Variants in REV1 observed in about 807,000 individuals in gnomAD.
REV1 encodes the protein REV1 DNA directed polymerase.
Under a neutral mutation model 137.4 loss-of-function variants are expected in REV1, and 42 were observed. That is an observed-to-expected ratio of 0.31 (90% CI 0.24 to 0.40). REV1 has a LOEUF of 0.40. Ranked by LOEUF, REV1 falls within the 10% of genes least tolerant of loss-of-function variation. The probability of loss-of-function intolerance (pLI) is 1.00; values close to 1 mark genes in which losing one functional copy is unlikely to be tolerated. For missense variants in REV1, 1,282 were observed against 1,490.1 expected, an observed-to-expected ratio of 0.86 and a Z score of 2.30; for synonymous variants, 524 against 519.2, an observed-to-expected ratio of 1.01 and a Z score of -0.12.
At chr2:99,446,259 A>C (rs899937298) in intron 4 of REV1, among the ~76,000 whole-genome samples, 7 of 152,210 alleles carry the variant, frequency 4.6e-5, no homozygotes, top group Non-Finnish European at 7.3e-5. Context: ...AGTGAGCCCC[A>C]CTGGCCCTGT....
intron 6 of REV1, among the ~76,000 whole-genome samples, chr2:99,437,125 G>T (rs1320926133): frequency 6.6e-6 from 1 of 151,402 alleles, no homozygotes; most frequent in Non-Finnish European, 1.5e-5. Flanking sequence ...GACCGCAGGT[G>T]CGTGCCACCA....
At chr2:99,441,301 TTA>T (rs915417489) in intron 5 of REV1, among the ~76,000 whole-genome samples, 2 of 152,246 alleles carry the variant, frequency 1.3e-5, no homozygotes, top group African/African-American at 2.4e-5. Context: ...CTCAGATTAA[TTA>T]GACTCCTGGT....
Position 99,401,248 on chromosome 2 carries a change from A to T in REV1, c.3749T>A (p.Val1250Asp). 6.2e-7 allele frequency: 1 copy of T among 1,600,918 alleles called. No individual in the cohort carries two copies. The highest frequency in any genetic ancestry group is 8.6e-7 in the Non-Finnish European group (1 of 1,168,146). The change falls in exon 23 of 23, where the codon GTT (valine) becomes GAT (aspartate). Residue 1250 changes from valine (V) to aspartate (D), a missense_variant. Around this residue, in one of 7 missense-constraint regions of REV1, gnomAD observed 43 missense variants for 79.1 expected, o/e 0.54. Transcript: ENST00000258428. ...CAGGCTCTCTGGTAATATTTATGTA[A>T]CTTTTAATGTGCTTCCATAAGTTTG... is the stretch of plus-strand genomic sequence containing the variant. ...LQQTYGSTLK[V>D]T
intron 1 of REV1, among the ~76,000 whole-genome samples, chr2:99,483,017 CAAA>C (rs540388372): frequency 9.5e-6 from 1 of 104,778 alleles, no homozygotes; most frequent in Non-Finnish European, 1.9e-5. Flanking sequence ...AACTCCGTTT[CAAA>C]AAAAAAAAAA....
chr2:99,447,560 G>GT (rs1023691031), intron 4 of REV1, among the ~76,000 whole-genome samples: 6 of 152,134 alleles, frequency 3.9e-5, no homozygotes, highest in African/African-American at 1.4e-4. Context: ...AAATAAAATA[G>GT]TAACAGTAGC....
intron 22 of REV1, 142 bp from the exon 23 acceptor site, chr2:99,401,494 C>A: frequency 3.9e-6 from 2 of 518,060 alleles, no homozygotes; most frequent in Non-Finnish European, 6.7e-6. Context: ...TGCCTGTAAT[C>A]CCAGCACTTT....
chr2:99,404,936 TA>T (rs1371605708), intron 17 of REV1, among the ~76,000 whole-genome samples: 1 of 152,132 alleles, frequency 6.6e-6, no homozygotes, highest in Non-Finnish European at 1.5e-5. Flanking sequence ...CATGACCAGG[TA>T]AGTCCAAATA....
chr2:99,460,517 T>A (rs1202222602), intron 3 of REV1, among the ~76,000 whole-genome samples: 3 of 152,226 alleles, frequency 2.0e-5, no homozygotes, highest in African/African-American at 7.2e-5. Context: ...TCCTCAAGAC[T>A]GTGAAATAAA....
chr2:99,420,186 T>G (rs1265379808), intron 11 of REV1, among the ~76,000 whole-genome samples: 1 of 152,228 alleles, frequency 6.6e-6, no homozygotes, highest in African/African-American at 2.4e-5. Context: ...GGCTAGCCAG[T>G]AGCTGTAGGA....
At chr2:99,471,615 G>C (rs1575216637) in intron 1 of REV1, among the ~76,000 whole-genome samples, 1 of 152,132 alleles carries the variant, frequency 6.6e-6, no homozygotes, top group Non-Finnish European at 1.5e-5. Context: ...AGGGTTAAAA[G>C]GCAATCCACA....
chr2:99,412,836 C>G lies in REV1; in HGVS notation c.2067G>C (p.Gln689His), dbSNP rs1046126305. ...AGCCACGGCAGAACCTATAAAGCAT[C>G]TGACCTGTTTTGGGACCAAATTCTT... ...LQKEFGPKTG[Q>H]MLYRFCRGLD... Residue 689 changes from glutamine (Q) to histidine (H), a missense_variant, in exon 13 of 23, where the codon CAG (glutamine) becomes CAC (histidine). Physicochemically the swap from Gln to His is conservative, Grantham distance 24 (BLOSUM62 0). Around this residue, in one of 7 missense-constraint regions of REV1, gnomAD observed 372 missense variants for 482.3 expected, o/e 0.77. Coordinates refer to ENST00000258428, the MANE Select transcript of REV1 (RefSeq NM_016316.4). 1.2e-6 allele frequency: 2 copies of G among 1,614,164 alleles called. No homozygotes were observed.
At chr2:99,424,106 A>T in intron 10 of REV1, 46 bp downstream of exon 10, 1 of 1,592,298 alleles carries the variant, frequency 6.3e-7, no homozygotes, top group East Asian at 2.3e-5. Context: ...CTATTAGCTA[A>T]AAGAAGGAAA....
chr2:99,467,687 T>C (rs1575202217), intron 1 of REV1, among the ~76,000 whole-genome samples: 1 of 152,140 alleles, frequency 6.6e-6, no homozygotes. Context: ...TAACAAGAAA[T>C]TGGAAGTAGA....
At chr2:99,437,058 C>T (rs1264177365) in intron 6 of REV1, among the ~76,000 whole-genome samples, 1 of 149,594 alleles carries the variant, frequency 6.7e-6, no homozygotes, top group African/African-American at 2.5e-5. Context: ...GTGCGATCTG[C>T]AACCTCAACC....
chr2:99,445,215 G>A (rs1339509034), intron 4 of REV1, among the ~76,000 whole-genome samples: 1 of 151,512 alleles, frequency 6.6e-6, no homozygotes, highest in Non-Finnish European at 1.5e-5. Flanking sequence ...AGTTGCATAA[G>A]CACTCTAATA....
At chr2:99,445,451 C>G (rs997213029) in intron 4 of REV1, among the ~76,000 whole-genome samples, 1 of 152,102 alleles carries the variant, frequency 6.6e-6, no homozygotes, top group Non-Finnish European at 1.5e-5. Context: ...AAAACCCACG[C>G]TACAAGGTTC....
At position 99,431,489 on chromosome 2, in the gene REV1, C is replaced by G. The variant is rs546042651; in HGVS notation, c.1439-1541G>C. Reference sequence around the variant, plus strand: ...ACTTCAACAGAGGGTGCTACTAGACCCCAAAAAAAGGAGTGCTGAAGCTTG... The same window carrying G: ...ACTTCAACAGAGGGTGCTACTAGACGCCAAAAAAAGGAGTGCTGAAGCTTG... On this transcript the variant is annotated intron_variant, in intron 8 of 22. Coordinates refer to ENST00000258428, the MANE Select transcript of REV1 (RefSeq NM_016316.4). Among the ~76,000 whole-genome samples the G allele has an allele frequency of 5.6e-4, 85 of 151,890 alleles. 1 individual carries two copies. The highest frequency in any genetic ancestry group is 5.4e-3 in the Admixed American group (83 of 15,254).
intron 1 of REV1, among the ~76,000 whole-genome samples, chr2:99,465,749 G>A (rs1449209365): frequency 6.6e-6 from 1 of 152,122 alleles, no homozygotes; most frequent in Non-Finnish European, 1.5e-5. Flanking sequence ...AAATTAATAT[G>A]ACTTCTATTA....
rs193060721 is a variant in REV1 at position 99,428,735 on chromosome 2, C to T, written c.1547+1105G>A. 3.6e-4 allele frequency among the ~76,000 whole-genome samples: 55 copies of T among 152,274 alleles called. No homozygotes were observed. The East Asian group carries it at 5.8e-3, about 16-fold the overall frequency. ...ACTAGGCCAGGCACAGTGGCTCACG[C>T]CTGTAATCCCAGCACTTTGGGAGGC... On this transcript the variant is annotated intron_variant, in intron 9 of 22. Coordinates refer to ENST00000258428, the MANE Select transcript of REV1 (RefSeq NM_016316.4).
Sources: allele counts gnomAD v4.1 joint callset (sites outside exome capture counted in the v4.1 genomes callset), GRCh38; gene constraint gnomAD v4.1.1; regional missense constraint gnomAD v4.1.1; transcripts MANE v1.5; gene names NCBI Gene and HGNC (gene_info 2026-07-23, HGNC 2026-07-21).